Variants in GOLGB1 observed in about 807,000 individuals in gnomAD.
GOLGB1 encodes golgin B1, also known as golgin subfamily B member 1.
GOLGB1 carries 174 observed loss-of-function variants against 336.9 expected under a neutral mutation model. The observed-to-expected ratio is 0.52, with a 90% CI of 0.46 to 0.59. GOLGB1 has a LOEUF of 0.59. GOLGB1 is among the 20% of genes least tolerant of loss of function. The pLI is 0.00. For synonymous variants in GOLGB1, 1,208 were observed against 1,289.2 expected (o/e 0.94, Z 1.35); for missense variants, 3,331 against 3,645.3 (o/e 0.91, Z 2.22).
chr3:121,690,644 T>C, intron 14 of GOLGB1, 26 bp downstream of exon 14: 1 of 1,231,302 alleles, frequency 8.1e-7, no homozygotes, highest in Non-Finnish European at 1.1e-6. Context: ...CTTAAACAGA[T>C]CAGAAAGAAA....
chr3:121,722,441 A>G (rs780835836), intron 5 of GOLGB1, 63 bp from the exon 6 acceptor site: 10 of 863,584 alleles, frequency 1.2e-5, no homozygotes, highest in Non-Finnish European at 1.9e-5. Context: ...AGCATTATTA[A>G]TTCTTTGACC....
At position 121,718,446 on chromosome 3, in the gene GOLGB1, C is replaced by G. The variant is rs762664045; in HGVS notation, c.827G>C (p.Arg276Pro). Residue 276 changes from arginine to proline, a missense_variant, in exon 8 of 22, where the codon CGT (arginine) becomes CCT (proline). Transcript: ENST00000614479. ...TTGCAGCAAGTCAACGACCTGAGCA[C>G]GGCCCACCAAGGATTCTTCGTGTTC... is the stretch of plus-strand genomic sequence containing the variant. ...LEEHEESLVG[R>P]AQVVDLLQQE... The G allele has an allele frequency of 6.2e-7, 1 of 1,613,976 alleles. No individual in the cohort carries two copies. Among genetic ancestry groups the G allele is most frequent in the Non-Finnish European group, 8.5e-7 (1 of 1,179,828 alleles).
intron 1 of GOLGB1, among the ~76,000 whole-genome samples, chr3:121,747,407 A>ATATATATGTATATATATACATATATACG (rs1947440964): frequency 3.4e-5 from 5 of 145,844 alleles, no homozygotes; most frequent in African/African-American, 1.3e-4. Context: ...ATATATACGT[A>ATATATATGTATATATATACATATATACG]TATATATGTA....
intron 14 of GOLGB1, among the ~76,000 whole-genome samples, chr3:121,683,397 TG>T (rs1036118633): frequency 1.3e-5 from 2 of 152,134 alleles, no homozygotes; most frequent in African/African-American, 4.8e-5. Context: ...TTTCCCCTAC[TG>T]AGCTTGAAGA....
chr3:121,727,112 A>G, intron 4 of GOLGB1, 71 bp from the exon 5 acceptor site: 1 of 866,116 alleles, frequency 1.2e-6, no homozygotes, highest in Non-Finnish European at 1.6e-6. Flanking sequence ...TTTTCTTCTA[A>G]TTTTTCATTT....
chr3:121,720,745 C>A (rs11919421), intron 6 of GOLGB1, among the ~76,000 whole-genome samples: 19,356 of 152,092 alleles, frequency 0.13, 1,459 homozygotes, highest in African/African-American at 0.2. Flanking sequence ...TTTCCCATAA[C>A]TGTTCCATAT....
At chr3:121,711,175 C>G (rs1576396634) in intron 10 of GOLGB1, among the ~76,000 whole-genome samples, 2 of 151,970 alleles carry the variant, frequency 1.3e-5, no homozygotes, top group African/African-American at 4.8e-5. Context: ...GCATGGGCAA[C>G]AGTGAAACTC....
In GOLGB1 at chr3:121,690,921, G is replaced by C; in HGVS notation, c.8443C>G (p.Leu2815Val). The change falls in exon 14 of 22, where the codon CTC becomes GTC. Residue 2815 changes from leucine to valine, a missense_variant. Physicochemically the swap from Leu to Val is conservative, Grantham distance 32. Coordinates refer to ENST00000614479, the MANE Select transcript of GOLGB1 (RefSeq NM_001366282.2). ...AGCAATTGCTCATCTTTGGATAGGA[G>C]CTGTTGGTTAAGTTTCTCAAGGTGA... ...LSHLEKLNQQLLSKDEQLLHL... is the reference protein window; with the variant it reads ...LSHLEKLNQQVLSKDEQLLHL... 3 of 1,614,046 alleles carry C rather than the reference G, an allele frequency of 1.9e-6. No individual in the cohort carries two copies. The highest frequency in any genetic ancestry group is 2.5e-6 in the Non-Finnish European group (3 of 1,179,876).
At chr3:121,720,758 T>C (rs1945135459) in intron 6 of GOLGB1, among the ~76,000 whole-genome samples, 1 of 152,182 alleles carries the variant, frequency 6.6e-6, no homozygotes, top group South Asian at 2.1e-4. Flanking sequence ...TTCCATATTC[T>C]TTTCCTTCTC....
At chr3:121,727,348 T>C (rs868305202) in intron 4 of GOLGB1, among the ~76,000 whole-genome samples, 46 of 110,208 alleles carry the variant, frequency 4.2e-4, no homozygotes, top group Non-Finnish European at 5.5e-4. Flanking sequence ...TTTTTTTTTT[T>C]CCCTCACACC....
chr3:121,672,444 A>G (rs551434352), intron 17 of GOLGB1, among the ~76,000 whole-genome samples: 155 of 152,220 alleles, frequency 1.0e-3, no homozygotes, highest in African/African-American at 3.7e-3. Flanking sequence ...AGAAACGTCT[A>G]TTCAGATCTT....
rs1942838989 is a variant in GOLGB1 at position 121,695,290 on chromosome 3, T to TCATACTGAAACATAC, written c.5232_5233insGTATGTTTCAGTATG (p.Ser1744_Lys1745insValCysPheSerMet). 6.2e-7 allele frequency: 1 copy of TCATACTGAAACATAC among 1,613,934 alleles called. No individual in the cohort carries two copies. Among genetic ancestry groups the TCATACTGAAACATAC allele is most frequent in the Non-Finnish European group, 8.5e-7 (1 of 1,179,992 alleles). On this transcript the variant is annotated inframe_insertion, in exon 13 of 22. Coordinates refer to ENST00000614479, the MANE Select transcript of GOLGB1 (RefSeq NM_001366282.2). ...TCAGACATTAAAGACTGAAACTTCT[T>TCATACTGAAACATAC]AGAAAGGGTTTCATACTCCATTTTG...
Position 121,692,130 on chromosome 3 carries a change from C to A in GOLGB1, c.7234G>T (p.Asp2412Tyr). 3 of 1,613,456 alleles carry A rather than the reference C, an allele frequency of 1.9e-6. No individual in the cohort carries two copies. Among genetic ancestry groups the A allele is most frequent in the Non-Finnish European group, 2.5e-6 (3 of 1,179,716 alleles). ...VAIAELRQQH[D>Y]KEIKELENLL... ...TTTTCCAGCTCTTTAATTTCTTTAT[C>A]ATGTTGCTGACGCAGTTCAGCAATA... Residue 2412 changes from aspartate to tyrosine, a missense_variant, in exon 14 of 22, where the codon GAT becomes TAT. Physicochemically the swap from Asp to Tyr is radical, Grantham distance 160 (BLOSUM62 -3). Coordinates refer to ENST00000614479, the MANE Select transcript of GOLGB1 (RefSeq NM_001366282.2).
At chr3:121,714,413 T>C (rs1944599554) in intron 10 of GOLGB1, among the ~76,000 whole-genome samples, 1 of 152,168 alleles carries the variant, frequency 6.6e-6, no homozygotes, top group South Asian at 2.1e-4. Context: ...TTGGCCATTA[T>C]ATACTTTTTT....
chr3:121,688,628 C>T (rs1446691837), intron 14 of GOLGB1, among the ~76,000 whole-genome samples: 5 of 152,178 alleles, frequency 3.3e-5, no homozygotes, highest in South Asian at 2.1e-4. Context: ...AAGTGAGGAG[C>T]GTCTCTGCCT....
intron 14 of GOLGB1, among the ~76,000 whole-genome samples, chr3:121,685,433 G>T (rs2107709433): frequency 6.6e-6 from 1 of 152,174 alleles, no homozygotes; most frequent in African/African-American, 2.4e-5. Context: ...TACTCGGGAG[G>T]CTGAGGCAGA....
intron 17 of GOLGB1, among the ~76,000 whole-genome samples, chr3:121,673,563 A>C (rs1939877687): frequency 6.6e-6 from 1 of 152,174 alleles, no homozygotes; most frequent in Non-Finnish European, 1.5e-5. Flanking sequence ...TGAGCACGAA[A>C]TATCTTTCCT....
chr3:121,725,316 A>C (rs1945500370), intron 5 of GOLGB1, among the ~76,000 whole-genome samples: 2 of 152,180 alleles, frequency 1.3e-5, no homozygotes, highest in South Asian at 4.1e-4. Flanking sequence ...GGTCTTGGGG[A>C]CCCAACCCCT....
rs1942965806 is a variant in GOLGB1, at chr3:121,696,555, T to G, written c.3968A>C (p.Lys1323Thr). Residue 1323 changes from lysine to threonine, a missense_variant, in exon 13 of 22, where the codon AAA becomes ACA. Transcript: ENST00000614479. ...ACTAACTTTCAATTCTAACTCTACTTTCTCAGCCTCTATTTCCTTCAGCTG... is the reference window on the plus strand; with the variant it reads ...ACTAACTTTCAATTCTAACTCTACTGTCTCAGCCTCTATTTCCTTCAGCTG... ...KAQLKEIEAE[K>T]VELELKVSST... 1.2e-6 allele frequency: 2 copies of G among 1,614,092 alleles called. No individual in the cohort carries two copies. Among genetic ancestry groups the G allele is most frequent in the Non-Finnish European group, 1.7e-6 (2 of 1,180,036 alleles).
Sources: allele counts gnomAD v4.1 joint callset (sites outside exome capture counted in the v4.1 genomes callset), GRCh38; gene constraint gnomAD v4.1.1; transcripts MANE v1.5; gene names NCBI Gene and HGNC (gene_info 2026-07-23, HGNC 2026-07-21).